N4BP2L2: variants seen among roughly 807,000 people sequenced by gnomAD.
N4BP2L2 encodes the protein NEDD4 binding protein 2 like 2, also known as NEDD4-binding protein 2-like 2.
Under a neutral mutation model 56.2 loss-of-function variants are expected in N4BP2L2, and 50 were observed. The observed-to-expected ratio is 0.89, with a 90% CI of 0.71 to 1.13. The LOEUF (loss-of-function observed/expected upper bound fraction) is 1.13, where lower values mean the gene tolerates loss of function less well. N4BP2L2 is among the 50% of genes most tolerant of loss of function. The probability of loss-of-function intolerance (pLI) is 0.00; values close to 1 mark genes in which losing one functional copy is unlikely to be tolerated. For missense variants in N4BP2L2, 689 were observed against 693.8 expected (o/e 0.99, Z 0.08); for synonymous variants, 203 against 223.6 (o/e 0.91, Z 0.82).
At chr13:32,536,408 T>A in exon 2 of N4BP2L2, 2 of 1,614,058 alleles carry the variant, frequency 1.2e-6, no homozygotes, top group Non-Finnish European at 8.5e-7. Context: ...ATGACCCTCA[T>A]AAAATGGAAC....
intron 6 of N4BP2L2, among the ~76,000 whole-genome samples, chr13:32,470,368 G>A (rs2082076333): frequency 6.6e-6 from 1 of 152,144 alleles, no homozygotes; most frequent in African/African-American, 2.4e-5. Context: ...TGCCCCTCTT[G>A]CCTGGGATTG....
chr13:32,479,340 C>T (rs1424132404), intron 6 of N4BP2L2, among the ~76,000 whole-genome samples: 1 of 151,780 alleles, frequency 6.6e-6, no homozygotes, highest in African/African-American at 2.4e-5. Context: ...GATCTCGGCT[C>T]ACTGCAAAGC....
intron 6 of N4BP2L2, among the ~76,000 whole-genome samples, chr13:32,446,075 G>A (rs970924794): frequency 6.6e-6 from 1 of 152,188 alleles, no homozygotes; most frequent in African/African-American, 2.4e-5. Flanking sequence ...AGAATAGTCA[G>A]TTGATTGGCT....
At chr13:32,535,782 T>G in exon 2 of N4BP2L2, 3 of 1,612,916 alleles carry the variant, frequency 1.9e-6, no homozygotes, top group Non-Finnish European at 1.7e-6. Context: ...GACAATGTTG[T>G]TTTCCCAGAA....
chr13:32,487,986 G>A (rs978870132), intron 6 of N4BP2L2, among the ~76,000 whole-genome samples: 2 of 151,964 alleles, frequency 1.3e-5, no homozygotes, highest in Non-Finnish European at 2.9e-5. Flanking sequence ...AGCCTCCCAA[G>A]TAGCTGGGAT....
intron 6 of N4BP2L2, among the ~76,000 whole-genome samples, chr13:32,467,370 G>A (rs890102879): frequency 2.6e-5 from 4 of 151,706 alleles, no homozygotes; most frequent in African/African-American, 9.7e-5. Context: ...TGATTCTCCT[G>A]CCTCAGCTTC....
At chr13:32,533,893 A>G (rs540441728) in intron 2 of N4BP2L2, among the ~76,000 whole-genome samples, 20 of 152,282 alleles carry the variant, frequency 1.3e-4, no homozygotes, top group African/African-American at 4.8e-4. Context: ...AATAACCAAC[A>G]CCAGTTCACT....
intron 1 of N4BP2L2, among the ~76,000 whole-genome samples, chr13:32,538,290 T>C (rs953581755): frequency 6.6e-6 from 1 of 152,136 alleles, no homozygotes; most frequent in Non-Finnish European, 1.5e-5. Flanking sequence ...TCTCGGTTTC[T>C]CCTTTCCTCA....
rs73447368 is a variant in N4BP2L2 at position 32,520,527 on chromosome 13, C to A, written c.1550+846G>T. ...CAAAAAAATTAGCCGGGAGTGGTGG[C>A]CAGCACCTATAGTCCCACCCATTGG... On this transcript the variant is annotated intron_variant, in intron 5 of 5. Transcript: ENST00000267068. Among the ~76,000 whole-genome samples, 1,058 of 151,942 alleles carry A rather than the reference C, an allele frequency of 7.0e-3. 17 individuals are homozygous for A. The highest frequency in any genetic ancestry group is 0.024 in the African/African-American group (996 of 41,426).
chr13:32,480,558 C>A, intron 6 of N4BP2L2: 1 of 1,150,130 alleles, frequency 8.7e-7, no homozygotes, highest in Admixed American at 2.4e-5. Context: ...ACGCTAGATC[C>A]ATTATATCAT....
intron 6 of N4BP2L2, among the ~76,000 whole-genome samples, chr13:32,463,450 G>A (rs2080576925): frequency 6.6e-6 from 1 of 151,996 alleles, no homozygotes. Flanking sequence ...GATCACCTGA[G>A]GTCAGGAGTT....
At chr13:32,492,773 A>C (rs1282112345) in intron 6 of N4BP2L2, among the ~76,000 whole-genome samples, 1 of 152,194 alleles carries the variant, frequency 6.6e-6, no homozygotes, top group Non-Finnish European at 1.5e-5. Flanking sequence ...CTCTCAAAAA[A>C]TAAAAAATTT....
chr13:32,498,940 G>A, intron 6 of N4BP2L2, among the ~76,000 whole-genome samples: 1 of 130,474 alleles, frequency 7.7e-6, no homozygotes, highest in South Asian at 2.4e-4. Flanking sequence ...ACTGAGCAGA[G>A]ATTGTGCCAT....
intron 8 of N4BP2L2, among the ~76,000 whole-genome samples, chr13:32,436,833 A>C (rs1458736622): frequency 1.4e-5 from 2 of 147,530 alleles, no homozygotes; most frequent in Admixed American, 6.8e-5. Flanking sequence ...GAAAGAAAGA[A>C]AGAAAACACC....
intron 8 of N4BP2L2, among the ~76,000 whole-genome samples, chr13:32,438,004 A>G (rs2075722526): frequency 6.6e-6 from 1 of 152,172 alleles, no homozygotes. Context: ...AATTTTATTG[A>G]CATAATAATT....
At chr13:32,459,962 G>A (rs537864953) in intron 6 of N4BP2L2, among the ~76,000 whole-genome samples, 3 of 152,204 alleles carry the variant, frequency 2.0e-5, no homozygotes, top group African/African-American at 7.2e-5. Flanking sequence ...TACACTATAA[G>A]CAAGTAGGAT....
rs539149396 is a variant in N4BP2L2, at chr13:32,487,143, A to T, written c.365+30714T>A. The stretch of plus-strand genomic sequence containing the variant: ...GGATTTCCAGACCTGCCTAGGTAAC[A>T]TGGTGAGACCCCATCACTAAAACAA... On this transcript the variant is annotated intron_variant, in intron 6 of 9. Transcript: ENST00000357505. 2.6e-5 allele frequency among the ~76,000 whole-genome samples: 4 copies of T among 152,262 alleles called. No individual in the cohort carries two copies. The South Asian group carries it at 8.3e-4, about 32-fold the overall frequency.
At chr13:32,479,087 A>G (rs2139094825) in intron 6 of N4BP2L2, among the ~76,000 whole-genome samples, 1 of 152,026 alleles carries the variant, frequency 6.6e-6, no homozygotes, top group Non-Finnish European at 1.5e-5. Context: ...GTGAGCCAAG[A>G]TCATGCCACT....
intron 6 of N4BP2L2, among the ~76,000 whole-genome samples, chr13:32,482,797 T>C (rs1275323713): frequency 1.3e-5 from 2 of 152,230 alleles, no homozygotes; most frequent in Non-Finnish European, 2.9e-5. Context: ...GTAAAAGTTT[T>C]CATGTTATTT....
Sources: gnomAD v4.1 joint callset for allele counts (sites outside exome capture counted in the v4.1 genomes callset) on GRCh38, gnomAD v4.1.1 for gene constraint, MANE v1.5 for transcripts, NCBI Gene and HGNC (gene_info 2026-07-23, HGNC 2026-07-21) for gene names.